PIK3R6: variants seen among roughly 807,000 people sequenced by gnomAD.
PIK3R6 encodes the protein phosphoinositide-3-kinase regulatory subunit 6.
PIK3R6 carries 91 observed loss-of-function variants against 84.9 expected under a neutral mutation model. The ratio of observed to expected loss-of-function variants is 1.07; its 90% CI spans 0.90 to 1.28. The LOEUF (loss-of-function observed/expected upper bound fraction) is 1.28. Among genes scored for constraint, PIK3R6 ranks in the 50% most tolerant of loss-of-function variants. PIK3R6 has a pLI of 0.00. For synonymous variants in PIK3R6, 416 were observed against 411.4 expected (o/e 1.01, Z -0.13); for missense variants, 996 against 985.1 (o/e 1.01, Z -0.15).
intron 9 of PIK3R6, among the ~76,000 whole-genome samples, chr17:8,832,028 G>A (rs760193727): frequency 6.6e-6 from 1 of 152,176 alleles, no homozygotes; most frequent in Non-Finnish European, 1.5e-5. Flanking sequence ...AGATATAAAC[G>A]ATGTTGACTC....
At chr17:8,814,215 CTTTT>C (rs112750429) in intron 18 of PIK3R6, among the ~76,000 whole-genome samples, 23 of 85,518 alleles carry the variant, frequency 2.7e-4, no homozygotes, top group Non-Finnish European at 4.8e-4. Flanking sequence ...AGAGAGAGAT[CTTTT>C]TTTTTTTTTT....
At chr17:8,829,576 A>G (rs1483261409) in intron 10 of PIK3R6, 130 bp downstream of exon 10, 7 of 974,836 alleles carry the variant, frequency 7.2e-6, no homozygotes, top group Admixed American at 2.3e-5. Context: ...ATACACACAC[A>G]GACACACTGA....
chr17:8,827,763 G>GGAGAGAGAGAGAGAGAGA (rs199969342), intron 12 of PIK3R6, among the ~76,000 whole-genome samples: 1 of 34,838 alleles, frequency 2.9e-5, no homozygotes, highest in Admixed American at 3.7e-4. Context: ...GAGAGAGAGA[G>GGAGAGAGAGAGAGAGAGA]GAGAGAGAGA....
intron 10 of PIK3R6, among the ~76,000 whole-genome samples, chr17:8,829,198 C>T (rs1464478391): frequency 7.2e-6 from 1 of 139,614 alleles, no homozygotes; most frequent in African/African-American, 2.8e-5. Context: ...GACATACACA[C>T]ACGTGCACAC....
At chr17:8,829,291 TGCATACACACAC>T (rs1411376411) in intron 10 of PIK3R6, among the ~76,000 whole-genome samples, 1 of 108,680 alleles carries the variant, frequency 9.2e-6, no homozygotes, top group Non-Finnish European at 1.8e-5. Flanking sequence ...ACACGCATCA[TGCATACACACAC>T]ACTGACACAC....
Position 8,821,884 on chromosome 17 carries a change from C to T in PIK3R6, c.1841G>A (p.Gly614Glu), listed in dbSNP as rs750318866. The T allele has an allele frequency of 1.9e-6, 3 of 1,597,758 alleles. No individual in the cohort carries two copies. The highest frequency in any genetic ancestry group is 1.7e-6 in the Non-Finnish European group (2 of 1,172,172). The change falls in exon 17 of 20, where the codon GGG becomes GAG. Residue 614 changes from glycine (G) to glutamate (E), a missense_variant. Transcript: ENST00000619866. ...GGCTGGAATGGCCTTCAGGATCAGC[C>T]CAGTGGCCCGCAGGGAAACGGTGAC... ...REVTVSLRAT[G>E]LILKAIPASD...
rs764224747 is a variant in PIK3R6 at position 8,867,642 on chromosome 17, G to C, written c.-205C>G. ...ATGTCTTGGGGGAGCCTCCACGGGT[G>C]TCTGTGGTCTTGACTGTGCTCTTCA... On this transcript the variant is annotated 5_prime_UTR_variant, in exon 1 of 20. Coordinates refer to ENST00000619866, the MANE Select transcript of PIK3R6 (RefSeq NM_001010855.4). 3 of 489,636 alleles carry C rather than the reference G, an allele frequency of 6.1e-6. No homozygotes were observed. The highest frequency in any genetic ancestry group is 1.2e-5 in the Non-Finnish European group (3 of 242,028). The allele number at this position is 489,636 out of a possible 1,614,324, so 30.3% of individuals were successfully genotyped here.
Position 8,837,882 on chromosome 17 carries a change from G to A in PIK3R6, c.190-11C>T. ...GTCCTGGCTTTCCGCCTGGAAAACA[G>A]GAGATCACGTGACAGGTATTGGGCT... On this transcript the variant is annotated splice_polypyrimidine_tract_variant and intron_variant, in intron 4 of 19. Coordinates refer to ENST00000619866, the MANE Select transcript of PIK3R6 (RefSeq NM_001010855.4). 1 of 1,611,944 alleles carries A rather than the reference G, an allele frequency of 6.2e-7. No homozygotes were observed. Among genetic ancestry groups the A allele is most frequent in the Non-Finnish European group, 8.5e-7 (1 of 1,177,972 alleles).
chr17:8,809,105 T>A (rs985570046), intron 18 of PIK3R6, among the ~76,000 whole-genome samples: 1 of 152,186 alleles, frequency 6.6e-6, no homozygotes, highest in African/African-American at 2.4e-5. Context: ...ACAGCAGGCT[T>A]CTCACCCAAA....
Position 8,828,897 on chromosome 17 carries a change from C to T in PIK3R6, c.983G>A (p.Arg328Gln), listed in dbSNP as rs777181315. The T allele has an allele frequency of 7.0e-6, 11 of 1,562,094 alleles. No individual in the cohort carries two copies. In the East Asian group the frequency reaches 9.1e-5, roughly 13 times the overall value. The change falls in exon 11 of 20, where the codon CGG becomes CAG. Residue 328 changes from arginine to glutamine, a missense_variant. Physicochemically the swap from Arg to Gln is conservative, Grantham distance 43 (BLOSUM62 1). Transcript: ENST00000619866. ...CAGCACAGAAACCCGGGCCAACTCC[C>T]GGTCCGGCCGGAGGCCCTGCAGATC... Reference protein sequence around the residue: ...VLDLQGLRPDRELARVSVLST... With the variant: ...VLDLQGLRPDQELARVSVLST...
chr17:8,846,625 T>C (rs2088820675), intron 2 of PIK3R6, among the ~76,000 whole-genome samples: 1 of 152,158 alleles, frequency 6.6e-6, no homozygotes, highest in South Asian at 2.1e-4. Context: ...GTTTGTGTCA[T>C]CTATAATTTC....
chr17:8,857,843 T>G (rs1328982595), intron 1 of PIK3R6, among the ~76,000 whole-genome samples: 2 of 147,252 alleles, frequency 1.4e-5, no homozygotes, highest in African/African-American at 5.1e-5. Context: ...GAGGTTGCAG[T>G]GAGCTGCAAT....
chr17:8,821,139 G>A (rs1025381915), intron 17 of PIK3R6, among the ~76,000 whole-genome samples: 2 of 152,180 alleles, frequency 1.3e-5, no homozygotes, highest in African/African-American at 2.4e-5. Context: ...AAGCATCACC[G>A]GATAACATCC....
intron 15 of PIK3R6, 108 bp downstream of exon 15, chr17:8,822,888 G>A (rs1228294936): frequency 3.8e-6 from 4 of 1,045,422 alleles, no homozygotes; most frequent in Non-Finnish European, 6.0e-6. Flanking sequence ...GCAGGGACAA[G>A]CACTGAGGGT....
At chr17:8,814,237 T>TTTTTTTTTTTTTG (rs2087455102) in intron 18 of PIK3R6, among the ~76,000 whole-genome samples, 1 of 135,834 alleles carries the variant, frequency 7.4e-6, no homozygotes, top group African/African-American at 2.9e-5. Context: ...TTTTTTTTTT[T>TTTTTTTTTTTTTG]GAGACAGAGT....
At chr17:8,814,453 C>T (rs989642083) in intron 18 of PIK3R6, among the ~76,000 whole-genome samples, 5 of 151,926 alleles carry the variant, frequency 3.3e-5, no homozygotes, top group African/African-American at 9.7e-5. Flanking sequence ...CTCCTGACCT[C>T]GTGATCCGCC....
At chr17:8,860,284 T>TG (rs200248347) in intron 1 of PIK3R6, among the ~76,000 whole-genome samples, 2,742 of 146,426 alleles carry the variant, frequency 0.019, 70 homozygotes, top group African/African-American at 0.062. Flanking sequence ...CTCCGCCTCC[T>TG]GGGGCGGGGG....
chr17:8,813,664 T>C (rs2087433510), intron 18 of PIK3R6, among the ~76,000 whole-genome samples: 1 of 152,208 alleles, frequency 6.6e-6, no homozygotes, highest in Non-Finnish European at 1.5e-5. Flanking sequence ...AATTATGCAA[T>C]TGTATTAATA....
chr17:8,825,845 A>G (rs2151220906), intron 13 of PIK3R6, among the ~76,000 whole-genome samples: 1 of 152,384 alleles, frequency 6.6e-6, no homozygotes, highest in Non-Finnish European at 1.5e-5. Context: ...CAAGTATTAA[A>G]CTTCTGCAAG....
Sources: allele counts gnomAD v4.1 joint callset (sites outside exome capture counted in the v4.1 genomes callset), GRCh38; gene constraint gnomAD v4.1.1; transcripts MANE v1.5; gene names NCBI Gene and HGNC (gene_info 2026-07-23, HGNC 2026-07-21).